RAB40C: variants seen among roughly 807,000 people sequenced by gnomAD.
RAB40C encodes the protein ras-related protein Rab-40C.
Under a neutral mutation model 28.1 loss-of-function variants are expected in RAB40C, and 8 were observed. The ratio of observed to expected loss-of-function variants is 0.28; its 90% CI spans 0.17 to 0.51. The LOEUF is 0.51. RAB40C is among the 20% of genes least tolerant of loss of function. The probability of loss-of-function intolerance (pLI) is 0.97; values close to 1 mark genes in which losing one functional copy is unlikely to be tolerated. For missense variants in RAB40C, 288 were observed against 405.9 expected, an observed-to-expected ratio of 0.71 and a Z score of 2.50; for synonymous variants, 201 against 171.7, an observed-to-expected ratio of 1.17 and a Z score of -1.34.
chr16:593,028 G>A (rs965633790), intron 1 of RAB40C, among the ~76,000 whole-genome samples: 5 of 152,244 alleles, frequency 3.3e-5, no homozygotes, highest in Admixed American at 6.5e-5. Context: ...AAGACACCAC[G>A]TGCTCTCAGG....
Position 625,917 on chromosome 16 carries a change from C to T in RAB40C, c.361C>T (p.Arg121Trp), listed in dbSNP as rs1596418384. 2 of 1,612,868 alleles carry T rather than the reference C, an allele frequency of 1.2e-6. No individual in the cohort carries two copies. The highest frequency in any genetic ancestry group is 1.1e-5 in the South Asian group (1 of 91,038). The change falls in exon 5 of 6, where the codon CGG (arginine) becomes TGG (tryptophan). Residue 121 changes from arginine (R) to tryptophan (W), a missense_variant. Arg to Trp is a moderately radical substitution (Grantham distance 101, BLOSUM62 -3). Around this residue, in one of 3 missense-constraint regions of RAB40C, gnomAD observed 153 missense variants for 262.4 expected, o/e 0.58. Transcript: ENST00000248139. Reference sequence around the variant, plus strand: ...CCCCCAGCATGCACCCGGAGTCCCCCGGATCTTGGTTGGAAACCGGCTGCA... The same window carrying T: ...CCCCCAGCATGCACCCGGAGTCCCCTGGATCTTGGTTGGAAACCGGCTGCA... ...EIDEHAPGVP[R>W]ILVGNRLHLA...
chr16:623,930 T>C, intron 3 of RAB40C: 1 of 985,034 alleles, frequency 1.0e-6, no homozygotes, highest in South Asian at 4.7e-5. Context: ...AGTGAGACCC[T>C]GTTTCAAAAA....
intron 1 of RAB40C, among the ~76,000 whole-genome samples, chr16:593,873 A>G (rs17138458): frequency 0.014 from 2,193 of 152,318 alleles, 52 homozygotes; most frequent in African/African-American, 0.049. Context: ...AGCGCTTTGC[A>G]TAGAGTGCCC....
chr16:614,194 C>T (rs2036539238), intron 1 of RAB40C, among the ~76,000 whole-genome samples: 1 of 103,692 alleles, frequency 9.6e-6, no homozygotes, highest in South Asian at 3.8e-4. Context: ...CTACCGCATC[C>T]CTATGGTGAA....
chr16:611,361 G>C lies in RAB40C; in HGVS notation c.143-5847G>C, dbSNP rs181885357. On this transcript the variant is annotated intron_variant, in intron 1 of 5. Coordinates refer to ENST00000248139, the MANE Select transcript of RAB40C (RefSeq NM_021168.5). ...GCCTGCTTGGCCACATTGGCACGTC[G>C]AGGTGACCGTCAAGGAGAAGCAGCT... is the stretch of plus-strand genomic sequence containing the variant. 4.5e-3 allele frequency among the ~76,000 whole-genome samples: 693 copies of C among 152,334 alleles called. 3 individuals carry two copies. The highest frequency in any genetic ancestry group is 0.016 in the African/African-American group (645 of 41,572).
intron 1 of RAB40C, among the ~76,000 whole-genome samples, chr16:613,996 C>T (rs1163491031): frequency 7.2e-5 from 11 of 152,204 alleles, no homozygotes; most frequent in African/African-American, 2.2e-4. Context: ...TGCAAGGCTG[C>T]GGCCTCTACT....
In RAB40C at chr16:609,242, G is replaced by C. The variant is rs535690593; in HGVS notation, c.143-7966G>C. On this transcript the variant is annotated intron_variant, in intron 1 of 5. Coordinates refer to ENST00000248139, the MANE Select transcript of RAB40C (RefSeq NM_021168.5). Reference sequence around the variant, plus strand: ...GAATGCCATGTGAGGGGAAGGGGAGGTCAGGGCAGTGCCTGGTGTGGTTCC... The same window carrying C: ...GAATGCCATGTGAGGGGAAGGGGAGCTCAGGGCAGTGCCTGGTGTGGTTCC... Among the ~76,000 whole-genome samples the C allele has an allele frequency of 1.5e-3, 230 of 152,306 alleles. 2 individuals are homozygous for C. Among genetic ancestry groups the C allele is most frequent in the African/African-American group, 5.4e-3 (223 of 41,572 alleles).
chr16:589,657 C>A (rs1167242008), upstream of RAB40C: 1 of 151,812 alleles, frequency 6.6e-6, no homozygotes, highest in African/African-American at 2.4e-5. Flanking sequence ...GGCGGGGCGG[C>A]CGGCGGCTCT....
intron 2 of RAB40C, among the ~76,000 whole-genome samples, chr16:617,820 G>A (rs1266629706): frequency 1.3e-5 from 2 of 152,100 alleles, no homozygotes; most frequent in African/African-American, 2.4e-5. Flanking sequence ...TCCAGCCTGG[G>A]TGACAGAATG....
At chr16:625,151 A>G in intron 3 of RAB40C, 1 of 1,369,398 alleles carries the variant, frequency 7.3e-7, no homozygotes, top group Non-Finnish European at 9.6e-7. Flanking sequence ...TGCCCAGGAA[A>G]CTTCCACAGG....
At chr16:622,600 C>T (rs1364363736) in intron 3 of RAB40C, among the ~76,000 whole-genome samples, 1 of 152,212 alleles carries the variant, frequency 6.6e-6, no homozygotes, top group Non-Finnish European at 1.5e-5. Flanking sequence ...CTCCGCCTCC[C>T]GGGTTCACGC....
chr16:610,451 G>C lies in RAB40C; in HGVS notation c.143-6757G>C, dbSNP rs1335863084. Reference sequence around the variant, plus strand: ...GCAGGAGTTGCTGGTGCTGCGTGAGGCCTCAGTGGGCCTGCACGGAGCAGC... The same window carrying C: ...GCAGGAGTTGCTGGTGCTGCGTGAGCCCTCAGTGGGCCTGCACGGAGCAGC... On this transcript the variant is annotated intron_variant, in intron 1 of 5. Coordinates refer to ENST00000248139, the MANE Select transcript of RAB40C (RefSeq NM_021168.5). The surrounding 1 kb of genome is among the most constrained non-coding windows in gnomAD (Gnocchi z 4.6). Among the ~76,000 whole-genome samples, 1 of 152,170 alleles carries C rather than the reference G, an allele frequency of 6.6e-6. No homozygotes were observed. Among genetic ancestry groups the C allele is most frequent in the African/African-American group, 2.4e-5 (1 of 41,440 alleles).
At chr16:616,314 A>G (rs1037096696) in intron 1 of RAB40C, among the ~76,000 whole-genome samples, 5 of 141,616 alleles carry the variant, frequency 3.5e-5, no homozygotes, top group East Asian at 2.0e-4. Flanking sequence ...AGGTCAGTCC[A>G]GAGTCCGGAG....
At chr16:625,778 C>A in intron 4 of RAB40C, 121 bp from the exon 5 acceptor site, 1 of 1,066,438 alleles carries the variant, frequency 9.4e-7, no homozygotes, top group South Asian at 1.5e-5. Flanking sequence ...TGACCTCCGC[C>A]CACCTTGACC....
At chr16:603,635 C>T (rs1350808049) in intron 1 of RAB40C, among the ~76,000 whole-genome samples, 1 of 152,182 alleles carries the variant, frequency 6.6e-6, no homozygotes, top group Admixed American at 6.5e-5. Context: ...GAGATGATGT[C>T]TATTTAATAA....
intron 1 of RAB40C, among the ~76,000 whole-genome samples, chr16:613,387 C>T (rs2036523231): frequency 1.3e-5 from 2 of 152,152 alleles, no homozygotes; most frequent in African/African-American, 4.8e-5. Context: ...GCAGGGACTG[C>T]CGCCCTCGCC....
chr16:600,232 G>C (rs1456063782), intron 1 of RAB40C, among the ~76,000 whole-genome samples: 3 of 152,230 alleles, frequency 2.0e-5, no homozygotes, highest in African/African-American at 7.2e-5. Context: ...CAGCAGATGT[G>C]GGTCCTGCCT....
intron 2 of RAB40C, 143 bp downstream of exon 2, chr16:617,411 A>C: frequency 1.0e-6 from 1 of 998,816 alleles, no homozygotes; most frequent in Non-Finnish European, 1.5e-6. Context: ...TAAACATAGA[A>C]TGGATTTTAC....
At chr16:623,277 C>T (rs763011) in intron 3 of RAB40C, among the ~76,000 whole-genome samples, 34,524 of 152,264 alleles carry the variant, frequency 0.23, 4,894 homozygotes, top group East Asian at 0.62. Context: ...TTACCCCTCT[C>T]CAGCCTTTTA....
Sources: allele counts gnomAD v4.1 joint callset (sites outside exome capture counted in the v4.1 genomes callset), GRCh38; gene constraint gnomAD v4.1.1; regional missense constraint gnomAD v4.1.1; non-coding constraint Gnocchi (gnomAD v3.1); transcripts MANE v1.5; gene names NCBI Gene and HGNC (gene_info 2026-07-23, HGNC 2026-07-21).